The following GALNT5 variants were observed in gnomAD, a reference collection of about 807,000 sequenced individuals.
GALNT5 encodes the protein UDP-GalNAc:polypeptide N-acetylgalactosaminyltransferase 5.
Under a neutral mutation model 85.4 loss-of-function variants are expected in GALNT5, and 72 were observed. The observed-to-expected ratio is 0.84, with a 90% CI of 0.70 to 1.03. GALNT5 has a LOEUF of 1.03. Ranked by LOEUF, GALNT5 falls within the 50% of genes least tolerant of loss-of-function variation. The pLI, the probability that GALNT5 is intolerant of heterozygous loss-of-function variation, is 0.00. For missense variants in GALNT5, 1,137 were observed against 1,135.5 expected, an observed-to-expected ratio of 1.00 and a Z score of -0.02; for synonymous variants, 404 against 397.0, an observed-to-expected ratio of 1.02 and a Z score of -0.21.
At chr2:157,277,034 T>C (rs1315789330) in intron 1 of GALNT5, among the ~76,000 whole-genome samples, 1 of 152,196 alleles carries the variant, frequency 6.6e-6, no homozygotes, top group African/African-American at 2.4e-5. Flanking sequence ...TTTGTTCTCG[T>C]TGGTTTCAAA....
At chr2:157,304,438 G>A (rs1442912928) in intron 7 of GALNT5, among the ~76,000 whole-genome samples, 1 of 152,194 alleles carries the variant, frequency 6.6e-6, no homozygotes, top group African/African-American at 2.4e-5. Context: ...AGTCTGTGAT[G>A]GTTCCTATCC....
At chr2:157,287,433 T>C (rs1408397879) in intron 3 of GALNT5, among the ~76,000 whole-genome samples, 1 of 151,910 alleles carries the variant, frequency 6.6e-6, no homozygotes. Flanking sequence ...CCCTCTCCCC[T>C]CCCTCTCATC....
intron 1 of GALNT5, among the ~76,000 whole-genome samples, chr2:157,283,413 G>T (rs541116684): frequency 1.3e-5 from 2 of 152,252 alleles, no homozygotes; most frequent in South Asian, 4.1e-4. Flanking sequence ...GTATTCTGCA[G>T]GGCATGGGAA....
Position 157,286,122 on chromosome 2 carries a change from C to T in GALNT5, c.1729C>T (p.Gln577Ter), listed in dbSNP as rs1263401247. The T allele has an allele frequency of 1.2e-6, 2 of 1,612,956 alleles. No individual in the cohort carries two copies. Among genetic ancestry groups the T allele is most frequent in the African/African-American group, 1.3e-5 (1 of 74,884 alleles). The change falls in exon 3 of 10, where the codon CAG becomes TAG. Residue 577 changes from glutamine to a stop codon, truncating the protein, a stop_gained. Coordinates refer to ENST00000259056, the MANE Select transcript of GALNT5 (RefSeq NM_014568.3). LOFTEE classifies it high-confidence loss of function. ...GLIRARLAGA[Q>*]NATGDVLTFL... The stretch of plus-strand genomic sequence containing the variant: ...AATAAGGGCCAGGCTGGCAGGAGCA[C>T]AGAATGCAACAGGTAAGAAGTTACT...
chr2:157,271,292 T>G (rs1217309600), intron 1 of GALNT5, among the ~76,000 whole-genome samples: 1 of 151,316 alleles, frequency 6.6e-6, no homozygotes, highest in Non-Finnish European at 1.5e-5. Context: ...CAAGGTGGAG[T>G]GTGTGAGGGG....
intron 3 of GALNT5, among the ~76,000 whole-genome samples, chr2:157,290,164 T>C (rs75731138): frequency 0.021 from 3,180 of 150,358 alleles, 132 homozygotes; most frequent in East Asian, 0.17. Flanking sequence ...TACATGTATA[T>C]AAAAACAGTA....
intron 2 of GALNT5, 129 bp from the exon 3 acceptor site, chr2:157,285,886 C>A (rs1279668675): frequency 3.2e-6 from 2 of 621,518 alleles, no homozygotes; most frequent in Non-Finnish European, 5.7e-6. Context: ...AAAATTATGA[C>A]CCAAGGAATA....
At chr2:157,306,869 G>T (rs1400620651) in intron 8 of GALNT5, among the ~76,000 whole-genome samples, 1 of 152,080 alleles carries the variant, frequency 6.6e-6, no homozygotes, top group Non-Finnish European at 1.5e-5. Context: ...AAAGAAAGGA[G>T]TCAAAGGGAA....
rs1193801814 is a variant in GALNT5, at chr2:157,314,609, A to G, written c.*3261A>G. Among the ~76,000 whole-genome samples, 1 of 152,202 alleles carries G rather than the reference A, an allele frequency of 6.6e-6. No homozygotes were observed. The highest frequency in any genetic ancestry group is 1.5e-5 in the Non-Finnish European group (1 of 68,042). On this transcript the variant is annotated 3_prime_UTR_variant, in exon 10 of 10. Transcript: ENST00000259056. ...AGTTTGGGACTGCAGAGGGGCAAAGATACCATTTACAGTATATAGGAGTCC... is the reference window on the plus strand; with the variant it reads ...AGTTTGGGACTGCAGAGGGGCAAAGGTACCATTTACAGTATATAGGAGTCC...
chr2:157,308,873 G>T, intron 9 of GALNT5, 145 bp downstream of exon 9: 2 of 542,700 alleles, frequency 3.7e-6, no homozygotes, highest in South Asian at 3.5e-5. Flanking sequence ...TCACAGAGAT[G>T]CATGGATATC....
chr2:157,308,596 A>T lies in GALNT5; in HGVS notation c.2550A>T (p.Arg850Ser), dbSNP rs1683502015. The T allele has an allele frequency of 1.2e-6, 2 of 1,613,126 alleles. No homozygotes were observed. The highest frequency in any genetic ancestry group is 3.3e-5 in the Admixed American group (2 of 59,820). ...ELQQFNYTWL[R>S]LIKCGEWCIA... The stretch of plus-strand genomic sequence containing the variant: ...AACAATTTAATTACACCTGGTTAAG[A>T]CTTATTAAATGTGGAGAATGGTGTA... The change falls in exon 9 of 10, where the codon AGA (arginine) becomes AGT (serine). Residue 850 changes from arginine to serine, a missense_variant. Coordinates refer to ENST00000259056, the MANE Select transcript of GALNT5 (RefSeq NM_014568.3).
intron 7 of GALNT5, chr2:157,301,801 A>G (rs938804851): frequency 1.3e-5 from 2 of 152,286 alleles, no homozygotes; most frequent in Admixed American, 6.5e-5. Flanking sequence ...TCAAAGAGGA[A>G]CTTAAAATAA....
At chr2:157,263,042 T>C (rs1682383288) in intron 1 of GALNT5, among the ~76,000 whole-genome samples, 1 of 151,556 alleles carries the variant, frequency 6.6e-6, no homozygotes, top group Non-Finnish European at 1.5e-5. Flanking sequence ...TTAGCCAGGA[T>C]GGTCTCGATC....
intron 3 of GALNT5, 115 bp from the exon 4 acceptor site, chr2:157,295,548 G>C (rs1005966778): frequency 1.6e-5 from 11 of 693,874 alleles, no homozygotes; most frequent in Middle Eastern, 5.3e-4. Flanking sequence ...AAAAAAAAAA[G>C]GTCACTGCAT....
chr2:157,268,798 C>A (rs1447172244), intron 1 of GALNT5, among the ~76,000 whole-genome samples: 1 of 111,216 alleles, frequency 9.0e-6, no homozygotes, highest in Non-Finnish European at 1.6e-5. Context: ...CCCCCCAAGA[C>A]AAAGAGATTG....
Position 157,300,675 on chromosome 2 carries a change from G to C in GALNT5, c.2116-1G>C, listed in dbSNP as rs772835324. On this transcript the variant is annotated splice_acceptor_variant, in intron 6 of 9. Transcript: ENST00000259056. LOFTEE classifies it high-confidence loss of function. Reference sequence around the variant, plus strand: ...TGATGCTTATCATCAAATTCTTCCAGGTGTGGATGTGTGGTGGTGAAATTG... The same window carrying C: ...TGATGCTTATCATCAAATTCTTCCACGTGTGGATGTGTGGTGGTGAAATTG... 3.7e-6 allele frequency: 6 copies of C among 1,605,178 alleles called. No individual in the cohort carries two copies. Among genetic ancestry groups the C allele is most frequent in the African/African-American group, 1.3e-5 (1 of 74,898 alleles).
intron 6 of GALNT5, among the ~76,000 whole-genome samples, chr2:157,300,217 T>C (rs1683309498): frequency 6.6e-6 from 1 of 152,146 alleles, no homozygotes; most frequent in African/African-American, 2.4e-5. Context: ...GCTTTCCTAT[T>C]GGGTGGGTGT....
At chr2:157,264,150 T>C (rs1682408839) in intron 1 of GALNT5, among the ~76,000 whole-genome samples, 1 of 149,210 alleles carries the variant, frequency 6.7e-6, no homozygotes, top group Non-Finnish European at 1.5e-5. Context: ...GAAGTTTGTT[T>C]CTGTCAGCAA....
rs557962534 is a variant in GALNT5 at position 157,317,176 on chromosome 2, A to G, written c.*5828A>G. ...TTGTAAATATACTGTATGTGTGTGT[A>G]TATATATATATATATATATATATTT... On this transcript the variant is annotated 3_prime_UTR_variant, in exon 10 of 10. Transcript: ENST00000259056. Among the ~76,000 whole-genome samples the G allele has an allele frequency of 7.3e-3, 957 of 130,580 alleles. 9 individuals are homozygous for G. Among genetic ancestry groups the G allele is most frequent in the African/African-American group, 0.019 (644 of 33,786 alleles). The allele number at this position is 130,580 out of a possible 152,430, so 85.7% of individuals were successfully genotyped here. A position where few individuals can be genotyped will look rare whatever the true frequency, so the allele number is the denominator to read the frequency against.
Sources: allele counts gnomAD v4.1 joint callset (sites outside exome capture counted in the v4.1 genomes callset), GRCh38; gene constraint gnomAD v4.1.1; transcripts MANE v1.5; gene names NCBI Gene and HGNC (gene_info 2026-07-23, HGNC 2026-07-21).